Variants in MBD5 observed in about 807,000 individuals in gnomAD.
MBD5 encodes methyl-CpG-binding domain protein 5.
Under a neutral mutation model 117.3 loss-of-function variants are expected in MBD5, and 13 were observed. The ratio of observed to expected loss-of-function variants is 0.11; its 90% CI spans 0.07 to 0.18. The LOEUF is 0.18. MBD5 is among the 10% of genes least tolerant of loss of function. The pLI is 1.00. For synonymous variants in MBD5, 727 were observed against 766.4 expected (o/e 0.95, Z 0.85); for missense variants, 1,879 against 2,093.8 (o/e 0.90, Z 2.00).
At chr2:148,135,353 T>A (rs888266298) in intron 1 of MBD5, among the ~76,000 whole-genome samples, 4 of 152,236 alleles carry the variant, frequency 2.6e-5, no homozygotes, top group African/African-American at 9.6e-5. Flanking sequence ...GATTTCCCTC[T>A]CTGCATTTTG....
At chr2:148,409,845 C>G (rs565717768) in intron 4 of MBD5, among the ~76,000 whole-genome samples, 2 of 152,226 alleles carry the variant, frequency 1.3e-5, no homozygotes, top group African/African-American at 4.8e-5. Context: ...CTTCACTTGA[C>G]AGTATGTATG....
intron 4 of MBD5, among the ~76,000 whole-genome samples, chr2:148,390,489 A>G (rs900792639): frequency 4.8e-5 from 7 of 147,000 alleles, no homozygotes; most frequent in African/African-American, 7.9e-5. Context: ...AAGTATATAT[A>G]TGTGTATATA....
chr2:148,291,524 A>AT (rs909811225), intron 3 of MBD5, among the ~76,000 whole-genome samples: 26 of 151,930 alleles, frequency 1.7e-4, no homozygotes, highest in Non-Finnish European at 3.2e-4. Context: ...AAAATAACCA[A>AT]TTTTTTTTAA....
At chr2:148,443,988 GA>G (rs1706412560) in intron 4 of MBD5, among the ~76,000 whole-genome samples, 1 of 151,152 alleles carries the variant, frequency 6.6e-6, no homozygotes, top group Non-Finnish European at 1.5e-5. Context: ...ATGCCTATAT[GA>G]AAATATCTCA....
chr2:148,225,976 T>C (rs1312765271), intron 2 of MBD5, among the ~76,000 whole-genome samples: 1 of 152,176 alleles, frequency 6.6e-6, no homozygotes, highest in Non-Finnish European at 1.5e-5. Context: ...TCTTGTACTC[T>C]CGATATTGAT....
At chr2:148,380,455 AAAGATAAAT>A (rs1353440339) in intron 4 of MBD5, among the ~76,000 whole-genome samples, 1 of 152,206 alleles carries the variant, frequency 6.6e-6, no homozygotes, top group Non-Finnish European at 1.5e-5. Context: ...ACCATACCAA[AAAGATAAAT>A]TTAAAAATTA....
intron 1 of MBD5, among the ~76,000 whole-genome samples, chr2:148,106,442 A>C (rs1317938297): frequency 6.6e-6 from 1 of 151,854 alleles, no homozygotes; most frequent in Non-Finnish European, 1.5e-5. Flanking sequence ...TTTCTACTTT[A>C]TACTTTATGT....
intron 1 of MBD5, among the ~76,000 whole-genome samples, chr2:148,040,071 A>C (rs1414116374): frequency 6.6e-6 from 1 of 152,114 alleles, no homozygotes; most frequent in Non-Finnish European, 1.5e-5. Flanking sequence ...AAAACTATGT[A>C]TTGGGTACTA....
rs567454590 is a variant in MBD5, at chr2:148,264,648, A to G, written c.-680+31253A>G. 4 of 152,328 alleles carry G rather than the reference A, an allele frequency of 2.6e-5. No homozygotes were observed. In the East Asian group the frequency reaches 5.8e-4, roughly 22 times the overall value. The allele number at this position is 152,328 out of a possible 1,614,324, so 9.4% of individuals were successfully genotyped here. On this transcript the variant is annotated intron_variant, in intron 3 of 13. Coordinates refer to ENST00000642680, the MANE Select transcript of MBD5 (RefSeq NM_001378120.1). ...TAATATCATAGAGCCTGCAGAATCTATAGGGGTGCTGGAGAACTAGACTTA... is the reference window on the plus strand; with the variant it reads ...TAATATCATAGAGCCTGCAGAATCTGTAGGGGTGCTGGAGAACTAGACTTA...
intron 3 of MBD5, among the ~76,000 whole-genome samples, chr2:148,341,165 T>C (rs773968375): frequency 1.1e-4 from 17 of 152,000 alleles, no homozygotes; most frequent in Non-Finnish European, 2.4e-4. Flanking sequence ...GTCATCCTCC[T>C]CCCACCCCAA....
At chr2:148,030,804 A>G (rs949969818) in intron 1 of MBD5, among the ~76,000 whole-genome samples, 1 of 152,240 alleles carries the variant, frequency 6.6e-6, no homozygotes, top group African/African-American at 2.4e-5. Flanking sequence ...CTAAATAGTC[A>G]CATGAATATA....
At chr2:148,425,843 A>G (rs530569268) in intron 4 of MBD5, among the ~76,000 whole-genome samples, 1 of 152,360 alleles carries the variant, frequency 6.6e-6, no homozygotes, top group East Asian at 1.9e-4. Context: ...ACATCGCTTC[A>G]TGCTAAAAAC....
intron 1 of MBD5, among the ~76,000 whole-genome samples, chr2:148,153,215 C>G (rs1296753633): frequency 6.6e-6 from 1 of 151,174 alleles, no homozygotes; most frequent in Non-Finnish European, 1.5e-5. Context: ...GTTTGGCTGG[C>G]TATGAAATTC....
chr2:148,294,506 T>TTTTTTTTTG (rs1397412173), intron 3 of MBD5, among the ~76,000 whole-genome samples: 11 of 130,670 alleles, frequency 8.4e-5, no homozygotes, highest in Non-Finnish European at 1.1e-4. Flanking sequence ...TTACAGTTTT[T>TTTTTTTTTG]TTTTTTTTTT....
intron 3 of MBD5, among the ~76,000 whole-genome samples, chr2:148,305,205 C>T (rs573488970): frequency 6.6e-6 from 1 of 152,068 alleles, no homozygotes; most frequent in African/African-American, 2.4e-5. Context: ...AGGATGGAGC[C>T]CAAGATTGAA....
chr2:148,083,251 C>T (rs1010564216), intron 1 of MBD5, among the ~76,000 whole-genome samples: 5 of 152,118 alleles, frequency 3.3e-5, no homozygotes, highest in African/African-American at 9.7e-5. Context: ...ATTCACAAAG[C>T]AACTTTATAG....
chr2:148,074,998 A>G (rs1391271647), intron 1 of MBD5, among the ~76,000 whole-genome samples: 2 of 152,216 alleles, frequency 1.3e-5, no homozygotes, highest in Non-Finnish European at 2.9e-5. Context: ...GAGGTGTCAA[A>G]AAGCATTTTT....
chr2:148,129,454 C>A (rs1269526114), intron 1 of MBD5, among the ~76,000 whole-genome samples: 1 of 152,072 alleles, frequency 6.6e-6, no homozygotes, highest in African/African-American at 2.4e-5. Flanking sequence ...CAAGATCACA[C>A]CACTGCACTC....
chr2:148,428,510 G>T (rs1212819868), intron 4 of MBD5, among the ~76,000 whole-genome samples: 1 of 151,882 alleles, frequency 6.6e-6, no homozygotes, highest in African/African-American at 2.4e-5. Context: ...ATTTCATATG[G>T]AACCAAAAAA....
Sources: allele counts gnomAD v4.1 joint callset (sites outside exome capture counted in the v4.1 genomes callset), GRCh38; gene constraint gnomAD v4.1.1; transcripts MANE v1.5; gene names NCBI Gene and HGNC (gene_info 2026-07-23, HGNC 2026-07-21).